IDI1: variants seen among roughly 807,000 people sequenced by gnomAD.
IDI1 encodes isopentenyl-diphosphate Delta-isomerase 1.
In IDI1, 23 loss-of-function variants were observed where a neutral mutation model predicts 32.9. That is an observed-to-expected ratio of 0.70 (90% CI 0.50 to 0.99). The LOEUF (loss-of-function observed/expected upper bound fraction) is 0.99. Ranked by LOEUF, IDI1 falls within the 50% of genes least tolerant of loss-of-function variation. The pLI is 0.00. For missense variants in IDI1, 326 were observed against 351.9 expected, an observed-to-expected ratio of 0.93 and a Z score of 0.59; for synonymous variants, 133 against 128.2, an observed-to-expected ratio of 1.04 and a Z score of -0.25.
the IDI1 span, chr10:1,056,671 C>G: frequency 1.3e-5 from 2 of 152,244 alleles, no homozygotes; most frequent in Non-Finnish European, 2.9e-5. Flanking sequence ...GTCTTCAGCG[C>G]GCCCAGACCC....
At chr10:1,043,227 GC>G in intron 3 of IDI1, 73 bp downstream of exon 3, 1 of 908,488 alleles carries the variant, frequency 1.1e-6, no homozygotes, top group East Asian at 2.4e-5. Context: ...TGTGACCTTG[GC>G]TCCAAGAATT....
chr10:1,053,498 G>T (rs1248994175), upstream of IDI1, among the ~76,000 whole-genome samples: 1 of 152,164 alleles, frequency 6.6e-6, no homozygotes, highest in Admixed American at 6.5e-5. Context: ...ACCACTCAGA[G>T]TTTCTCCATA....
At chr10:1,054,361 C>T in the IDI1 span, among the ~76,000 whole-genome samples, 1 of 152,208 alleles carries the variant, frequency 6.6e-6, no homozygotes, top group Admixed American at 6.5e-5. Context: ...CAGCTTATAA[C>T]ACTATAGTGT....
chr10:1,049,203 G>T (rs1209711002), upstream of IDI1: 7 of 904,238 alleles, frequency 7.7e-6, no homozygotes, highest in East Asian at 2.3e-4. Flanking sequence ...CCGCGACTGG[G>T]CGGTGCCCGA....
At chr10:1,049,412 A>C, upstream of IDI1, 1 of 177,684 alleles carries the variant, frequency 5.6e-6, no homozygotes, top group Non-Finnish European at 1.2e-5. Context: ...GGCTGGACCA[A>C]TGGAAACGGA....
At chr10:1,048,684 C>T (rs1832879196) in intron 1 of IDI1, 180 bp downstream of exon 1, 2 of 1,414,748 alleles carry the variant, frequency 1.4e-6, no homozygotes, top group East Asian at 2.7e-5. Flanking sequence ...CCACCACAGC[C>T]CGGGAAGGCC....
upstream of IDI1, among the ~76,000 whole-genome samples, chr10:1,052,529 C>T (rs990167928): frequency 2.0e-5 from 3 of 152,192 alleles, no homozygotes; most frequent in African/African-American, 2.4e-5. Context: ...CCTTGTATAT[C>T]TCCATCAGAG....
intron 1 of IDI1, chr10:1,048,446 G>A: frequency 7.8e-7 from 1 of 1,279,708 alleles, no homozygotes; most frequent in Non-Finnish European, 1.0e-6. Context: ...TCGGCACGGG[G>A]AGGCCGGTGT....
chr10:1,053,640 T>C (rs1833069768), upstream of IDI1, among the ~76,000 whole-genome samples: 2 of 152,246 alleles, frequency 1.3e-5, no homozygotes, highest in African/African-American at 4.8e-5. Flanking sequence ...CCATGCTTAA[T>C]CATTAATCAT....
the IDI1 span, among the ~76,000 whole-genome samples, chr10:1,054,242 A>G: frequency 6.6e-6 from 1 of 152,198 alleles, no homozygotes; most frequent in African/African-American, 2.4e-5. Context: ...GAAACATATG[A>G]TACCTGTGAA....
upstream of IDI1, chr10:1,049,263 C>T (rs1310733514): frequency 1.8e-5 from 10 of 543,406 alleles, no homozygotes; most frequent in Non-Finnish European, 2.8e-5. Context: ...CCGTGCGAGC[C>T]CGAGGCGCTG....
chr10:1,039,235 G>C (rs1329934619), downstream of IDI1: 3 of 155,086 alleles, frequency 1.9e-5, no homozygotes, highest in African/African-American at 7.2e-5. Context: ...CCACAGGGAT[G>C]CACTGCGGGT....
At chr10:1,051,388 T>C (rs181544248), upstream of IDI1, among the ~76,000 whole-genome samples, 3 of 152,370 alleles carry the variant, frequency 2.0e-5, no homozygotes, top group East Asian at 1.9e-4. Context: ...CTGAGAATTA[T>C]GTTCCTTGAA....
upstream of IDI1, chr10:1,049,270 G>A (rs377039636): frequency 3.4e-5 from 18 of 525,278 alleles, no homozygotes; most frequent in East Asian, 1.9e-4. Context: ...AGCCCGAGGC[G>A]CTGCGAACGG....
At chr10:1,048,699 C>A in intron 1 of IDI1, 165 bp downstream of exon 1, 1 of 1,418,158 alleles carries the variant, frequency 7.1e-7, no homozygotes, top group Non-Finnish European at 9.1e-7. Flanking sequence ...AAGGCCCGGC[C>A]TCCCTCCAGT....
intron 1 of IDI1, among the ~76,000 whole-genome samples, chr10:1,048,097 C>T (rs550172528): frequency 6.6e-6 from 1 of 152,268 alleles, no homozygotes; most frequent in South Asian, 2.1e-4. Context: ...TCTCGGCTCA[C>T]TGCAGCCTTC....
rs1832906204 is a variant in IDI1 at position 1,049,119 on chromosome 10, G to A, written c.-116C>T. On this transcript the variant is annotated 5_prime_UTR_variant, in exon 1 of 5. Transcript: ENST00000381344. ...CAGACGCGCGAAGCACCGGGAACCT[G>A]AGCCGTGACCGCGGGCTCTGGCGCC... 2.2e-6 allele frequency: 3 copies of A among 1,395,268 alleles called. No homozygotes were observed. Among genetic ancestry groups the A allele is most frequent in the East Asian group, 2.9e-5 (1 of 33,970 alleles). The allele number at this position is 1,395,268 out of a possible 1,614,324, so 86.4% of individuals were successfully genotyped here.
chr10:1,041,266 G>A lies in IDI1; in HGVS notation c.776C>T (p.Ala259Val), dbSNP rs1832572513. ...KITPWFKIIA[A>V]TFLFKWWDNL... The stretch of plus-strand genomic sequence containing the variant: ...ATCCCACCATTTAAAGAGAAAAGTC[G>A]CTGCAATAATTTTAAACCATGGCGT... Residue 259 changes from alanine to valine, a missense_variant, in exon 5 of 5, where the codon GCG becomes GTG. Ala to Val is a moderately conservative substitution (Grantham distance 64). Coordinates refer to ENST00000381344, the MANE Select transcript of IDI1 (RefSeq NM_004508.4). 6.2e-7 allele frequency: 1 copy of A among 1,612,912 alleles called. No individual in the cohort carries two copies. The highest frequency in any genetic ancestry group is 2.2e-5 in the East Asian group (1 of 44,806).
At chr10:1,044,274 C>T in intron 1 of IDI1, 103 bp from the exon 2 acceptor site, 1 of 802,404 alleles carries the variant, frequency 1.2e-6, no homozygotes, top group Non-Finnish European at 2.0e-6. Context: ...GCAGTTGTAC[C>T]ACTCTGCATC....
Sources: gnomAD v4.1 joint callset for allele counts (sites outside exome capture counted in the v4.1 genomes callset) on GRCh38, gnomAD v4.1.1 for gene constraint, MANE v1.5 for transcripts, NCBI Gene and HGNC (gene_info 2026-07-23, HGNC 2026-07-21) for gene names.